The following TRPM3 variants were observed in gnomAD, a reference collection of about 807,000 sequenced individuals.
The protein encoded by TRPM3 is long transient receptor potential channel 3.
Under a neutral mutation model 181.2 loss-of-function variants are expected in TRPM3, and 77 were observed. The ratio of observed to expected loss-of-function variants is 0.42; its 90% confidence interval spans 0.35 to 0.51. The LOEUF (loss-of-function observed/expected upper bound fraction) is 0.51, where lower values mean the gene tolerates loss of function less well. TRPM3 is among the 20% of genes least tolerant of loss of function. The probability of loss-of-function intolerance (pLI) is 0.01; values close to 1 mark genes in which losing one functional copy is unlikely to be tolerated. For missense variants in TRPM3, 1,759 were observed against 2,196.7 expected, an observed-to-expected ratio of 0.80 and a Z score of 3.98; for synonymous variants, 745 against 796.4, an observed-to-expected ratio of 0.94 and a Z score of 1.09.
At chr9:71,187,393 A>G (rs2077739863) in intron 1 of TRPM3, among the ~76,000 whole-genome samples, 1 of 151,966 alleles carries the variant, frequency 6.6e-6, no homozygotes, top group South Asian at 2.1e-4. Flanking sequence ...ATTCCTCCAC[A>G]TCTTCCTGGG....
At chr9:70,780,590 A>T (rs568507660) in intron 7 of TRPM3, among the ~76,000 whole-genome samples, 1 of 152,114 alleles carries the variant, frequency 6.6e-6, no homozygotes, top group African/African-American at 2.4e-5. Flanking sequence ...TTTGGAAATG[A>T]TTTTTAAAAT....
intron 1 of TRPM3, among the ~76,000 whole-genome samples, chr9:71,094,006 T>C (rs1002310863): frequency 6.7e-6 from 1 of 150,100 alleles, no homozygotes; most frequent in African/African-American, 2.5e-5. Flanking sequence ...AAACACCACA[T>C]GTTCTCACTC....
chr9:70,941,148 A>T (rs559168670), intron 1 of TRPM3, among the ~76,000 whole-genome samples: 1 of 152,260 alleles, frequency 6.6e-6, no homozygotes, highest in Non-Finnish European at 1.5e-5. Context: ...TTGCCAAAGG[A>T]GATTAATAGT....
At chr9:71,177,368 T>C (rs1175270040) in intron 1 of TRPM3, among the ~76,000 whole-genome samples, 4 of 152,154 alleles carry the variant, frequency 2.6e-5, no homozygotes, top group African/African-American at 9.6e-5. Context: ...CCCCTACCCC[T>C]GGTCTATGGA....
chr9:71,417,561 T>C (rs2131503531), intron 1 of TRPM3, among the ~76,000 whole-genome samples: 1 of 152,136 alleles, frequency 6.6e-6, no homozygotes, highest in South Asian at 2.1e-4. Flanking sequence ...TCTTCCAAAA[T>C]ATTATCTCAT....
At chr9:71,425,044 T>C (rs2093838986) in intron 1 of TRPM3, among the ~76,000 whole-genome samples, 1 of 152,150 alleles carries the variant, frequency 6.6e-6, no homozygotes, top group Non-Finnish European at 1.5e-5. Context: ...CTTAATCACT[T>C]TTTTCCTGAA....
intron 1 of TRPM3, among the ~76,000 whole-genome samples, chr9:70,998,266 T>TATA (rs1554794865): frequency 7.5e-6 from 1 of 132,782 alleles, no homozygotes; most frequent in African/African-American, 3.0e-5. Context: ...TATATATATA[T>TATA]TTTTTTTAGT....
chr9:70,932,758 C>G (rs1385516570), intron 1 of TRPM3, among the ~76,000 whole-genome samples: 1 of 152,146 alleles, frequency 6.6e-6, no homozygotes, highest in Non-Finnish European at 1.5e-5. Flanking sequence ...ATTAAGGTCT[C>G]AGATCTCTAT....
chr9:71,075,537 CTG>C (rs1459534315), intron 1 of TRPM3, among the ~76,000 whole-genome samples: 2 of 152,128 alleles, frequency 1.3e-5, no homozygotes, highest in African/African-American at 4.8e-5. Context: ...ATCCCCTCTC[CTG>C]TGCTATTTGG....
intron 1 of TRPM3, among the ~76,000 whole-genome samples, chr9:71,032,053 ATATATT>A (rs1474496895): frequency 0.017 from 75 of 4,504 alleles, 16 homozygotes; most frequent in South Asian, 0.038. Flanking sequence ...TATATATTAT[ATATATT>A]ATATATATTA....
chr9:70,937,797 G>A (rs2133499720), intron 1 of TRPM3, among the ~76,000 whole-genome samples: 1 of 149,934 alleles, frequency 6.7e-6, no homozygotes, highest in Non-Finnish European at 1.5e-5. Context: ...GACACTCATA[G>A]TCCTGTGTGA....
At chr9:70,698,968 C>G (rs1421946950) in intron 8 of TRPM3, among the ~76,000 whole-genome samples, 1 of 152,080 alleles carries the variant, frequency 6.6e-6, no homozygotes, top group Non-Finnish European at 1.5e-5. Context: ...TATAAATTAC[C>G]CAGTCTCAGG....
In TRPM3 at chr9:70,943,811, G is replaced by T. The variant is rs1280279161; in HGVS notation, c.178-79300C>A. On this transcript the variant is annotated intron_variant, in intron 1 of 25. Transcript: ENST00000677713. ...TCTTGAGGAGCAGCCTCTCTCTGTT[G>T]CCCAGGCTAGAGGGAAGTGGCATGA... 2.6e-5 allele frequency among the ~76,000 whole-genome samples: 4 copies of T among 152,024 alleles called. No homozygotes were observed. The East Asian group carries it at 7.7e-4, about 29-fold the overall frequency.
In TRPM3 at chr9:70,591,869, G is replaced by A. The variant is rs574598167; in HGVS notation, c.3049-664C>T. Among the ~76,000 whole-genome samples, 5 of 152,248 alleles carry A rather than the reference G, an allele frequency of 3.3e-5. No individual in the cohort carries two copies. The South Asian group carries it at 1.0e-3, about 32-fold the overall frequency. ...AAATGGCTGTTTGTATACTTCTCCTGCAGGGTATCCCATTGGCTATGGAGG... is the reference window on the plus strand; with the variant it reads ...AAATGGCTGTTTGTATACTTCTCCTACAGGGTATCCCATTGGCTATGGAGG... On this transcript the variant is annotated intron_variant, in intron 21 of 25. Coordinates refer to ENST00000677713, the MANE Select transcript of TRPM3 (RefSeq NM_001366145.2).
intron 1 of TRPM3, among the ~76,000 whole-genome samples, chr9:71,190,021 T>G (rs1299113653): frequency 6.6e-6 from 1 of 151,888 alleles, no homozygotes; most frequent in Non-Finnish European, 1.5e-5. Context: ...TTATCCTGAT[T>G]TTTGTGTCAC....
At position 71,312,090 on chromosome 9, in the gene TRPM3, C is replaced by A. The variant is rs925954769; in HGVS notation, c.183+134563G>T. Reference sequence around the variant, plus strand: ...GGCTGGGATTCATTAAAATTTAAAACTTCTTCTCTGTGAAAGACATAGTCA... The same window carrying A: ...GGCTGGGATTCATTAAAATTTAAAAATTCTTCTCTGTGAAAGACATAGTCA... On this transcript the variant is annotated intron_variant, in intron 1 of 24. Coordinates refer to the TRPM3 transcript ENST00000357533. Among the ~76,000 whole-genome samples, 3 of 152,234 alleles carry A rather than the reference C, an allele frequency of 2.0e-5. No homozygotes were observed. In the South Asian group the frequency reaches 6.2e-4, roughly 32 times the overall value.
At chr9:71,244,338 C>A (rs1190933929) in intron 1 of TRPM3, among the ~76,000 whole-genome samples, 2 of 152,140 alleles carry the variant, frequency 1.3e-5, no homozygotes, top group Non-Finnish European at 2.9e-5. Context: ...TAACTCCACA[C>A]TCTGAGCCTC....
chr9:71,289,231 TTTAG>T (rs1565427000), intron 1 of TRPM3, among the ~76,000 whole-genome samples: 1 of 152,064 alleles, frequency 6.6e-6, no homozygotes, highest in African/African-American at 2.4e-5. Flanking sequence ...CCCACAAATA[TTTAG>T]TATCTATAAA....
chr9:70,662,706 T>A (rs2061304260), intron 9 of TRPM3, among the ~76,000 whole-genome samples: 1 of 152,106 alleles, frequency 6.6e-6, no homozygotes, highest in Non-Finnish European at 1.5e-5. Context: ...AGCTTACTCC[T>A]GCAAGAATGG....
Sources: allele counts gnomAD v4.1 joint callset (sites outside exome capture counted in the v4.1 genomes callset), GRCh38; gene constraint gnomAD v4.1.1; transcripts MANE v1.5; gene names NCBI Gene and HGNC (gene_info 2026-07-23, HGNC 2026-07-21).